SPECC1: variants seen among roughly 807,000 people sequenced by gnomAD.
The protein encoded by SPECC1 is cytospin-B.
A neutral mutation model predicts 104.1 loss-of-function variants in SPECC1; 62 were observed. The observed-to-expected ratio is 0.60, with a 90% confidence interval of 0.49 to 0.74. The LOEUF is 0.74. Ranked by LOEUF, SPECC1 falls within the 30% of genes least tolerant of loss-of-function variation. SPECC1 has a pLI of 0.00. For synonymous variants in SPECC1, 513 were observed against 501.6 expected, an observed-to-expected ratio of 1.02 and a Z score of -0.30; for missense variants, 1,306 against 1,310.5, an observed-to-expected ratio of 1.00 and a Z score of 0.05.
At chr17:20,058,185 C>CTCATTTTAAATATTCT (rs1006313098) in intron 1 of SPECC1, among the ~76,000 whole-genome samples, 2 of 152,102 alleles carry the variant, frequency 1.3e-5, no homozygotes, top group South Asian at 2.1e-4. Context: ...CAGTTTTTTC[C>CTCATTTTAAATATTCT]TCATTTTAAA....
chr17:20,158,906 G>T (rs1040401041), intron 3 of SPECC1, among the ~76,000 whole-genome samples: 4 of 151,794 alleles, frequency 2.6e-5, no homozygotes, highest in African/African-American at 7.3e-5. Flanking sequence ...CAACAGGCCC[G>T]GCTGTTTCGT....
At chr17:20,133,436 T>A (rs977171663) in intron 3 of SPECC1, among the ~76,000 whole-genome samples, 3 of 152,186 alleles carry the variant, frequency 2.0e-5, no homozygotes, top group Non-Finnish European at 4.4e-5. Flanking sequence ...TACTTAGGAA[T>A]CATGGCAGTT....
rs144928072 is a variant in SPECC1, at chr17:20,075,480, A to G, written c.-21-21151A>G. Among the ~76,000 whole-genome samples the G allele has an allele frequency of 2.0e-5, 3 of 152,276 alleles. No homozygotes were observed. In the East Asian group the frequency reaches 5.8e-4, roughly 29 times the overall value. ...AGAAATTGGAGAAAATAGTGACTTA[A>G]TCCCACACTTTAAAGCAACTGTTAA... On this transcript the variant is annotated intron_variant, in intron 1 of 14. Coordinates refer to ENST00000395527, the MANE Select transcript of SPECC1 (RefSeq NM_001243439.2).
At chr17:20,264,841 C>A (rs1047255964) in intron 12 of SPECC1, among the ~76,000 whole-genome samples, 5 of 152,076 alleles carry the variant, frequency 3.3e-5, no homozygotes, top group Non-Finnish European at 7.4e-5. Flanking sequence ...ATGTACTCAA[C>A]GTTTAGCTCC....
At chr17:20,056,394 G>C (rs1430595849) in intron 1 of SPECC1, 2 of 187,466 alleles carry the variant, frequency 1.1e-5, no homozygotes, top group African/African-American at 4.7e-5. Context: ...GCAAGGACTG[G>C]CGTCCGGAGA....
At chr17:20,261,539 C>T (rs767441756) in intron 12 of SPECC1, among the ~76,000 whole-genome samples, 17 of 151,422 alleles carry the variant, frequency 1.1e-4, no homozygotes, top group Non-Finnish European at 1.9e-4. Flanking sequence ...ACAAGCTCCC[C>T]GAGCAGTGAT....
At chr17:20,041,912 A>G (rs998431847) in intron 1 of SPECC1, among the ~76,000 whole-genome samples, 11 of 152,126 alleles carry the variant, frequency 7.2e-5, no homozygotes, top group Non-Finnish European at 1.5e-4. Flanking sequence ...GGCGTGAGCC[A>G]CCGCGCCCAG....
At chr17:20,108,494 ACT>A (rs1188352607) in intron 2 of SPECC1, among the ~76,000 whole-genome samples, 9 of 151,890 alleles carry the variant, frequency 5.9e-5, no homozygotes, top group African/African-American at 2.2e-4. Context: ...TTTGGTTGTA[ACT>A]CCCCGAGAGG....
intron 3 of SPECC1, chr17:20,156,254 G>C: frequency 3.7e-6 from 5 of 1,342,520 alleles, no homozygotes; most frequent in Non-Finnish European, 4.8e-6. Flanking sequence ...CGGCTGGCGG[G>C]GGTCGCGCCG....
At chr17:20,041,311 C>T (rs7220490) in intron 1 of SPECC1, among the ~76,000 whole-genome samples, 10,498 of 152,052 alleles carry the variant, frequency 0.069, 985 homozygotes, top group African/African-American at 0.21. Flanking sequence ...GGCGGGATCT[C>T]GGCTCACCGC....
At chr17:20,036,634 A>G (rs1487482997) in intron 1 of SPECC1, among the ~76,000 whole-genome samples, 1 of 152,194 alleles carries the variant, frequency 6.6e-6, no homozygotes, top group Non-Finnish European at 1.5e-5. Context: ...GTTGTGCAAT[A>G]GGTATCTTGA....
chr17:20,070,179 C>T (rs926631464), intron 1 of SPECC1, among the ~76,000 whole-genome samples: 36 of 152,056 alleles, frequency 2.4e-4, no homozygotes, highest in African/African-American at 8.2e-4. Context: ...AGAGAGACAC[C>T]CTTGTCTAGT....
rs185499692 is a variant in SPECC1 at position 20,205,792 on chromosome 17, A to G, written c.1743A>G (p.Gln581=). The G allele has an allele frequency of 3.0e-5, 48 of 1,614,232 alleles. No individual in the cohort carries two copies. The Admixed American group carries it at 3.7e-4, about 12-fold the overall frequency. ...VEQTAESCEV[Q]EMLKVARAEK... ...AGACGGCAGAGAGCTGCGAAGTTCA[A>G]GAAATGTTGAAAGTAGCCCGAGCAG... The change falls in exon 4 of 15, where the codon CAA becomes CAG. Residue 581 remains glutamine, a synonymous_variant. Coordinates refer to ENST00000395527, the MANE Select transcript of SPECC1 (RefSeq NM_001243439.2).
chr17:20,043,958 C>T (rs749550612), intron 1 of SPECC1, among the ~76,000 whole-genome samples: 1 of 152,010 alleles, frequency 6.6e-6, no homozygotes, highest in Non-Finnish European at 1.5e-5. Context: ...TTCTTGGGAG[C>T]CAGGAGAGTA....
At chr17:20,155,894 C>T (rs1333197308) in intron 3 of SPECC1, 1 of 1,166,218 alleles carries the variant, frequency 8.6e-7, no homozygotes, top group East Asian at 3.7e-5. Context: ...GGACAGTATG[C>T]AGATGACGGG....
intron 1 of SPECC1, among the ~76,000 whole-genome samples, chr17:20,079,222 C>T (rs2046875651): frequency 6.6e-6 from 1 of 152,298 alleles, no homozygotes; most frequent in Admixed American, 6.5e-5. Flanking sequence ...ACACACGGCT[C>T]GTAGACGCCC....
chr17:20,274,612 C>G (rs775706908), intron 12 of SPECC1, among the ~76,000 whole-genome samples: 2 of 149,614 alleles, frequency 1.3e-5, no homozygotes, highest in Non-Finnish European at 3.0e-5. Flanking sequence ...TCCCTAGTAG[C>G]TGGGATTACA....
At chr17:20,156,543 T>G (rs1034263568) in intron 3 of SPECC1, among the ~76,000 whole-genome samples, 1 of 152,138 alleles carries the variant, frequency 6.6e-6, no homozygotes, top group Admixed American at 6.5e-5. Flanking sequence ...CCAGGTCTCC[T>G]GAGCGCGCAG....
chr17:20,132,808 C>T (rs1016991214), intron 3 of SPECC1, among the ~76,000 whole-genome samples: 6 of 151,746 alleles, frequency 4.0e-5, no homozygotes, highest in Non-Finnish European at 5.9e-5. Flanking sequence ...GGCGTGATCT[C>T]GGCTCACTGC....
Sources: gnomAD v4.1 joint callset for allele counts (sites outside exome capture counted in the v4.1 genomes callset) on GRCh38, gnomAD v4.1.1 for gene constraint, MANE v1.5 for transcripts, NCBI Gene and HGNC (gene_info 2026-07-23, HGNC 2026-07-21) for gene names.